Variants in GLDC observed in about 807,000 individuals in gnomAD.
GLDC encodes glycine dehydrogenase (decarboxylating), mitochondrial.
A neutral mutation model predicts 121.3 loss-of-function variants in GLDC; 104 were observed. That is an observed-to-expected ratio of 0.86 (90% CI 0.73 to 1.01). The LOEUF (loss-of-function observed/expected upper bound fraction) is 1.01. Ranked by LOEUF, GLDC falls within the 50% of genes least tolerant of loss-of-function variation. The pLI, the probability that GLDC is intolerant of heterozygous loss-of-function variation, is 0.00. For missense variants in GLDC, 1,429 were observed against 1,306.6 expected (o/e 1.09, Z -1.44); for synonymous variants, 546 against 480.6 (o/e 1.14, Z -1.78).
intron 15 of GLDC, among the ~76,000 whole-genome samples, chr9:6,573,173 G>A (rs1332959344): frequency 6.6e-6 from 1 of 152,182 alleles, no homozygotes; most frequent in African/African-American, 2.4e-5. Flanking sequence ...TACTAGGGAG[G>A]CTGAGACACA....
intron 15 of GLDC, chr9:6,569,175 T>TC (rs1563841249): frequency 4.1e-5 from 6 of 145,098 alleles, no homozygotes; most frequent in Non-Finnish European, 3.0e-5. Flanking sequence ...AATGTAAACT[T>TC]AAAAAAAAAA....
In GLDC at chr9:6,532,727, C is replaced by T. The variant is rs1246300642; in HGVS notation, c.*290G>A. ...GCCTCTATGACATCTGCAAACTTGC[C>T]ACATTAAAAGTTAAAGTTCCTAAAA... On this transcript the variant is annotated 3_prime_UTR_variant, in exon 25 of 25. Transcript: ENST00000321612. The T allele has an allele frequency of 2.5e-6, 1 of 404,402 alleles. No individual in the cohort carries two copies. Among genetic ancestry groups the T allele is most frequent in the Non-Finnish European group, 4.6e-6 (1 of 215,568 alleles). The allele number at this position is 404,402 out of a possible 1,614,324, so 25.1% of individuals were successfully genotyped here. A position where few individuals can be genotyped will look rare whatever the true frequency, so the allele number is the denominator to read the frequency against.
chr9:6,636,164 C>T (rs1819497078), intron 2 of GLDC, among the ~76,000 whole-genome samples: 1 of 152,032 alleles, frequency 6.6e-6, no homozygotes, highest in Non-Finnish European at 1.5e-5. Context: ...ATTAGCCAGG[C>T]GTGATAGTTC....
chr9:6,576,964 G>A (rs1413424361), intron 15 of GLDC, among the ~76,000 whole-genome samples: 1 of 152,126 alleles, frequency 6.6e-6, no homozygotes, highest in Non-Finnish European at 1.5e-5. Context: ...ACATTTTCTA[G>A]ATCCTAACCT....
intron 2 of GLDC, among the ~76,000 whole-genome samples, chr9:6,642,099 A>C (rs748635363): frequency 7.9e-5 from 12 of 152,330 alleles, no homozygotes; most frequent in African/African-American, 2.4e-4. Flanking sequence ...CCAGCTCACT[A>C]TTCCAAGAAA....
At chr9:6,561,855 G>C (rs1232004797) in intron 16 of GLDC, among the ~76,000 whole-genome samples, 1 of 152,140 alleles carries the variant, frequency 6.6e-6, no homozygotes, top group Non-Finnish European at 1.5e-5. Flanking sequence ...GGGTTAAGGA[G>C]ATCTCCTGTG....
intron 15 of GLDC, 112 bp from the exon 16 acceptor site, chr9:6,565,541 C>G: frequency 1.2e-6 from 1 of 810,716 alleles, no homozygotes; most frequent in Non-Finnish European, 2.2e-6. Flanking sequence ...CACATGGTCA[C>G]TGTCCAGACG....
chr9:6,644,029 C>CAAAAAAAAAAAAAAAAAAAAAAGAAAAA (rs531081758), intron 2 of GLDC, among the ~76,000 whole-genome samples: 4 of 18,338 alleles, frequency 2.2e-4, no homozygotes, highest in Admixed American at 8.3e-4. Context: ...GATTCTGTCT[C>CAAAAAAAAAAAAAAAAAAAAAAGAAAAA]AAAAAAAAAA....
At chr9:6,550,288 C>A (rs1817484433) in intron 21 of GLDC, among the ~76,000 whole-genome samples, 1 of 151,992 alleles carries the variant, frequency 6.6e-6, no homozygotes. Context: ...AGACTAGGAG[C>A]CTAGGAGAAA....
intron 20 of GLDC, among the ~76,000 whole-genome samples, chr9:6,552,927 TG>T (rs930520084): frequency 2.8e-5 from 4 of 145,356 alleles, no homozygotes; most frequent in African/African-American, 1.0e-4. Context: ...TCTTCTCCTC[TG>T]GCCCCCCCCA....
At chr9:6,608,517 G>A (rs941092349) in intron 4 of GLDC, among the ~76,000 whole-genome samples, 1 of 149,964 alleles carries the variant, frequency 6.7e-6, no homozygotes, top group African/African-American at 2.4e-5. Context: ...GAGGCGGGCG[G>A]ATCATGAGGT....
intron 20 of GLDC, among the ~76,000 whole-genome samples, chr9:6,551,247 G>A (rs1273359131): frequency 1.3e-5 from 2 of 152,136 alleles, no homozygotes; most frequent in Non-Finnish European, 2.9e-5. Context: ...TGATTTTTTT[G>A]TTTGTTTACT....
Position 6,595,270 on chromosome 9 carries a change from T to C in GLDC, c.1156-151A>G, listed in dbSNP as rs780351862. 7.0e-5 allele frequency: 50 copies of C among 717,944 alleles called. No individual in the cohort carries two copies. In the Admixed American group the frequency reaches 9.6e-4, roughly 14 times the overall value. 44.5% of individuals were successfully genotyped at this position (717,944 alleles called of 1,614,324 possible). Reference sequence around the variant, plus strand: ...CTTTGATAGTTGGGGACAATTAATATATAACCTGCCTGACTACCTGAAAGG... The same window carrying C: ...CTTTGATAGTTGGGGACAATTAATACATAACCTGCCTGACTACCTGAAAGG... On this transcript the variant is annotated intron_variant, in intron 8 of 24. Coordinates refer to ENST00000321612, the MANE Select transcript of GLDC (RefSeq NM_000170.3).
At chr9:6,612,290 A>T (rs1166602775) in intron 3 of GLDC, among the ~76,000 whole-genome samples, 1 of 150,370 alleles carries the variant, frequency 6.7e-6, no homozygotes, top group Admixed American at 6.6e-5. Flanking sequence ...GCCGCACACC[A>T]ACACCCCAAT....
intron 3 of GLDC, among the ~76,000 whole-genome samples, chr9:6,611,422 G>GGC: frequency 6.6e-6 from 1 of 152,190 alleles, no homozygotes; most frequent in Non-Finnish European, 1.5e-5. Flanking sequence ...CAGGCGTGGT[G>GGC]GCACGTGCCT....
intron 2 of GLDC, chr9:6,639,544 A>G: frequency 2.5e-6 from 2 of 786,048 alleles, no homozygotes. Context: ...GGAGAGAAGA[A>G]GGTATATGTT....
chr9:6,566,816 C>G (rs1231265691), intron 15 of GLDC, among the ~76,000 whole-genome samples: 1 of 152,108 alleles, frequency 6.6e-6, no homozygotes, highest in Non-Finnish European at 1.5e-5. Flanking sequence ...AATAAAATAA[C>G]TTTTTTTAAT....
At chr9:6,618,004 C>A (rs10120677) in intron 3 of GLDC, among the ~76,000 whole-genome samples, 35,823 of 152,008 alleles carry the variant, frequency 0.24, 4,980 homozygotes, top group East Asian at 0.43. Flanking sequence ...CAGAGGCAAC[C>A]ACTTACTCTG....
intron 2 of GLDC, among the ~76,000 whole-genome samples, chr9:6,621,889 T>C (rs1278418367): frequency 1.3e-5 from 2 of 152,192 alleles, no homozygotes; most frequent in African/African-American, 4.8e-5. Context: ...AGATAGATCA[T>C]GCTACTAAAA....
Sources: allele counts gnomAD v4.1 joint callset (sites outside exome capture counted in the v4.1 genomes callset), GRCh38; gene constraint gnomAD v4.1.1; transcripts MANE v1.5; gene names NCBI Gene and HGNC (gene_info 2026-07-23, HGNC 2026-07-21).